Variants in OXR1 observed in about 807,000 individuals in gnomAD.
OXR1 encodes the protein oxidation resistance 1.
OXR1 carries 41 observed loss-of-function variants against 104.6 expected under a neutral mutation model. The observed-to-expected ratio is 0.39, with a 90% CI of 0.31 to 0.51. OXR1 has a LOEUF of 0.51. OXR1 is among the 20% of genes least tolerant of loss of function. The pLI is 0.77. For missense variants in OXR1, 955 were observed against 1,031.9 expected (o/e 0.93, Z 1.02); for synonymous variants, 348 against 348.4 (o/e 1.00, Z 0.01).
chr8:106,676,981 A>G (rs1290603539), intron 3 of OXR1, among the ~76,000 whole-genome samples: 1 of 152,116 alleles, frequency 6.6e-6, no homozygotes, highest in Non-Finnish European at 1.5e-5. Context: ...TTCTGTGGTG[A>G]GCTTTTGAAA....
At chr8:106,722,202 G>C (rs1055825219) in intron 11 of OXR1, among the ~76,000 whole-genome samples, 2 of 152,090 alleles carry the variant, frequency 1.3e-5, no homozygotes, top group Admixed American at 1.3e-4. Context: ...AAACCCTCAT[G>C]ATCTCTTCTC....
chr8:106,705,514 A>C (rs1268322045), intron 8 of OXR1, among the ~76,000 whole-genome samples: 1 of 152,146 alleles, frequency 6.6e-6, no homozygotes, highest in Non-Finnish European at 1.5e-5. Context: ...TTTCCTTTTC[A>C]GCATATTTTA....
intron 3 of OXR1, among the ~76,000 whole-genome samples, chr8:106,671,506 T>G (rs1238918359): frequency 6.6e-6 from 1 of 152,164 alleles, no homozygotes; most frequent in Admixed American, 6.5e-5. Context: ...CCAGTTAATA[T>G]TAGGCTGTGA....
At chr8:106,292,269 C>A (rs1488405496) in intron 1 of OXR1, among the ~76,000 whole-genome samples, 1 of 152,112 alleles carries the variant, frequency 6.6e-6, no homozygotes, top group African/African-American at 2.4e-5. Flanking sequence ...AAAGTGCTTC[C>A]TTTAAGTGAA....
At chr8:106,556,908 T>C (rs892031002) in intron 3 of OXR1, among the ~76,000 whole-genome samples, 2 of 152,238 alleles carry the variant, frequency 1.3e-5, no homozygotes, top group African/African-American at 4.8e-5. Context: ...CCCATAGCTT[T>C]GAGCCGTGGC....
chr8:106,498,882 G>GTTATATCCTGTTTT (rs1200308697), intron 2 of OXR1, among the ~76,000 whole-genome samples: 1 of 16,146 alleles, frequency 6.2e-5, no homozygotes, highest in African/African-American at 2.7e-4. Context: ...TTAGGAGATG[G>GTTATATCCTGTTTT]CCGGGCGCGG....
At chr8:106,331,347 T>TA (rs1286385574) in intron 1 of OXR1, among the ~76,000 whole-genome samples, 2 of 152,220 alleles carry the variant, frequency 1.3e-5, no homozygotes, top group African/African-American at 4.8e-5. Flanking sequence ...AAAAGTTGCT[T>TA]CAAATATTTT....
At chr8:106,434,944 G>A (rs1334379528) in intron 2 of OXR1, among the ~76,000 whole-genome samples, 1 of 152,196 alleles carries the variant, frequency 6.6e-6, no homozygotes, top group South Asian at 2.1e-4. Flanking sequence ...GCATCCCATG[G>A]TGAGATGACC....
At chr8:106,472,234 CATTT>C (rs1337583020) in intron 2 of OXR1, among the ~76,000 whole-genome samples, 1 of 151,736 alleles carries the variant, frequency 6.6e-6, no homozygotes, top group Non-Finnish European at 1.5e-5. Flanking sequence ...AGCCAGGATG[CATTT>C]GTGCAAAAAG....
At chr8:106,474,671 C>T (rs901220425) in intron 2 of OXR1, among the ~76,000 whole-genome samples, 2 of 151,934 alleles carry the variant, frequency 1.3e-5, no homozygotes, top group African/African-American at 4.8e-5. Flanking sequence ...TGTGCTACGT[C>T]AGCAGAGGTG....
chr8:106,446,084 A>G (rs2130601088), intron 2 of OXR1, among the ~76,000 whole-genome samples: 1 of 152,310 alleles, frequency 6.6e-6, no homozygotes, highest in African/African-American at 2.4e-5. Context: ...AGGCAGATGA[A>G]TGAGAGTGAA....
intron 1 of OXR1, among the ~76,000 whole-genome samples, chr8:106,289,123 A>G (rs1393253056): frequency 2.0e-5 from 3 of 152,186 alleles, no homozygotes; most frequent in African/African-American, 7.2e-5. Flanking sequence ...TAAGACAAGG[A>G]TGCCCACTCT....
chr8:106,743,089 A>G (rs1835059321), intron 15 of OXR1, among the ~76,000 whole-genome samples: 1 of 152,138 alleles, frequency 6.6e-6, no homozygotes, highest in Non-Finnish European at 1.5e-5. Flanking sequence ...ACTTAAGCAA[A>G]TTTGCAAGAA....
At chr8:106,487,643 A>G (rs188897850) in intron 2 of OXR1, among the ~76,000 whole-genome samples, 5,054 of 149,076 alleles carry the variant, frequency 0.034, 137 homozygotes, top group Non-Finnish European at 0.055. Context: ...TCATTGTTCA[A>G]TTCCCACCTA....
At chr8:106,428,070 C>G (rs1046564705) in intron 2 of OXR1, among the ~76,000 whole-genome samples, 3 of 152,036 alleles carry the variant, frequency 2.0e-5, no homozygotes. Context: ...CTGGTGGCTA[C>G]CCTATTGGAA....
intron 1 of OXR1, among the ~76,000 whole-genome samples, chr8:106,330,771 A>G (rs940551481): frequency 1.3e-5 from 2 of 152,182 alleles, no homozygotes; most frequent in Admixed American, 1.3e-4. Context: ...GTGAAGAACT[A>G]CTGGCCCTTT....
intron 2 of OXR1, among the ~76,000 whole-genome samples, chr8:106,435,553 T>A (rs1819536326): frequency 6.6e-6 from 1 of 152,166 alleles, no homozygotes; most frequent in Non-Finnish European, 1.5e-5. Context: ...CATGTGACTT[T>A]ATAAGCACAT....
At chr8:106,387,468 A>T (rs1036647019) in intron 2 of OXR1, among the ~76,000 whole-genome samples, 2 of 152,190 alleles carry the variant, frequency 1.3e-5, no homozygotes, top group Non-Finnish European at 2.9e-5. Context: ...GTCTGAAAAA[A>T]GGAGGTCATT....
chr8:106,636,040 G>T (rs570211397), intron 3 of OXR1, among the ~76,000 whole-genome samples: 3 of 152,212 alleles, frequency 2.0e-5, no homozygotes, highest in African/African-American at 7.2e-5. Flanking sequence ...GTTGATGATG[G>T]CTCTGTTCTA....
Sources: allele counts gnomAD v4.1 joint callset (sites outside exome capture counted in the v4.1 genomes callset), GRCh38; gene constraint gnomAD v4.1.1; transcripts MANE v1.5; gene names NCBI Gene and HGNC (gene_info 2026-07-23, HGNC 2026-07-21).